The following ATP8A2 variants were observed in gnomAD, a reference collection of about 807,000 sequenced individuals.
ATP8A2 encodes ATPase phospholipid transporting 8A2, also known as phospholipid-transporting ATPase IB.
A neutral mutation model predicts 165.6 loss-of-function variants in ATP8A2; 100 were observed. The observed-to-expected ratio is 0.60, with a 90% CI of 0.51 to 0.71. The LOEUF is 0.71. ATP8A2 is among the 30% of genes least tolerant of loss of function. ATP8A2 has a pLI of 0.00. For synonymous variants in ATP8A2, 543 were observed against 548.8 expected, an observed-to-expected ratio of 0.99 and a Z score of 0.15; for missense variants, 1,227 against 1,479.5, an observed-to-expected ratio of 0.83 and a Z score of 2.80.
intron 33 of ATP8A2, among the ~76,000 whole-genome samples, chr13:25,919,633 G>A (rs556149006): frequency 6.6e-6 from 1 of 152,230 alleles, no homozygotes; most frequent in South Asian, 2.1e-4. Context: ...TTCCAGGTCA[G>A]CCCTTACCTG....
chr13:25,795,367 A>G (rs1305764924), intron 27 of ATP8A2, among the ~76,000 whole-genome samples: 1 of 152,248 alleles, frequency 6.6e-6, no homozygotes. Flanking sequence ...ATCATAATTC[A>G]CAAGTGCAAA....
Position 25,720,167 on chromosome 13 carries a change from C to CTTTTTTTTTTTTTTTT in ATP8A2, c.2384+20825_2384+20840dup. On this transcript the variant is annotated intron_variant, in intron 25 of 36. Coordinates refer to ENST00000381655, the MANE Select transcript of ATP8A2 (RefSeq NM_016529.6). ...GACCTCCGATAAATGTATACTTTTT[C>CTTTTTTTTTTTTTTTT]TTTTTTTTTTTTTTTTTTGAGAAGG... is the stretch of plus-strand genomic sequence containing the variant. Among the ~76,000 whole-genome samples, 221 of 117,252 alleles carry CTTTTTTTTTTTTTTTT rather than the reference C, an allele frequency of 1.9e-3. 26 individuals carry two copies. The highest frequency in any genetic ancestry group is 7.7e-3 in the African/African-American group (202 of 26,346). The allele number at this position is 117,252 out of a possible 152,430, so 76.9% of individuals were successfully genotyped here. A position where few individuals can be genotyped will look rare whatever the true frequency, so the allele number is the denominator to read the frequency against.
intron 33 of ATP8A2, among the ~76,000 whole-genome samples, chr13:25,887,901 C>T (rs1385581611): frequency 6.6e-6 from 1 of 152,086 alleles, no homozygotes; most frequent in African/African-American, 2.4e-5. Flanking sequence ...CAATGGAATA[C>T]TTTTGAATAA....
chr13:25,671,636 A>G (rs182382940), intron 24 of ATP8A2, among the ~76,000 whole-genome samples: 2 of 152,302 alleles, frequency 1.3e-5, no homozygotes, highest in African/African-American at 4.8e-5. Flanking sequence ...TCCCAGGCTT[A>G]TTAGGAAGAG....
chr13:25,794,320 T>C (rs949176562), intron 27 of ATP8A2, among the ~76,000 whole-genome samples: 3 of 152,192 alleles, frequency 2.0e-5, no homozygotes, highest in African/African-American at 7.2e-5. Flanking sequence ...ACCTATGCAG[T>C]GGAATATTAC....
At chr13:25,960,106 G>C (rs1163390397) in intron 33 of ATP8A2, among the ~76,000 whole-genome samples, 1 of 152,236 alleles carries the variant, frequency 6.6e-6, no homozygotes, top group African/African-American at 2.4e-5. Context: ...AGGCAGGAGG[G>C]CTGTGGTTAG....
At chr13:25,915,518 G>T (rs796400748) in intron 33 of ATP8A2, among the ~76,000 whole-genome samples, 9 of 152,334 alleles carry the variant, frequency 5.9e-5, no homozygotes, top group African/African-American at 2.2e-4. Flanking sequence ...GGCCAGTCCA[G>T]CAGGGGCGGG....
chr13:26,005,660 T>C (rs1956723365), intron 35 of ATP8A2, among the ~76,000 whole-genome samples: 1 of 152,084 alleles, frequency 6.6e-6, no homozygotes. Context: ...CAAATATATT[T>C]ATATCTTTGA....
chr13:25,728,869 G>A (rs1454240132), intron 25 of ATP8A2, among the ~76,000 whole-genome samples: 2 of 152,178 alleles, frequency 1.3e-5, no homozygotes, highest in Admixed American at 6.5e-5. Context: ...CGAAACTGCT[G>A]TGCTTTTAGT....
intron 27 of ATP8A2, among the ~76,000 whole-genome samples, chr13:25,790,713 G>A (rs1158326211): frequency 6.7e-5 from 10 of 149,718 alleles, no homozygotes; most frequent in African/African-American, 2.5e-4. Context: ...AAAAAAATAA[G>A]CAAAGAACAT....
chr13:25,521,995 G>A (rs1413701888), intron 2 of ATP8A2, among the ~76,000 whole-genome samples: 2 of 152,074 alleles, frequency 1.3e-5, no homozygotes, highest in African/African-American at 2.4e-5. Flanking sequence ...GTGTTTTTCT[G>A]TTTCTGTGAA....
chr13:25,547,467 A>T (rs2038687797), intron 10 of ATP8A2, among the ~76,000 whole-genome samples: 1 of 152,168 alleles, frequency 6.6e-6, no homozygotes, highest in Non-Finnish European at 1.5e-5. Context: ...ATTCCTTATG[A>T]GAATCTAATG....
intron 36 of ATP8A2, among the ~76,000 whole-genome samples, chr13:26,015,703 G>C (rs1183557190): frequency 5.9e-5 from 9 of 152,186 alleles, no homozygotes; most frequent in Non-Finnish European, 1.3e-4. Flanking sequence ...ACACGATTCT[G>C]TTCTCCATTC....
intron 34 of ATP8A2, among the ~76,000 whole-genome samples, chr13:25,967,264 C>G (rs1361455579): frequency 6.6e-6 from 1 of 152,138 alleles, no homozygotes; most frequent in East Asian, 1.9e-4. Context: ...TCTCAGGACA[C>G]TGTTTGATGG....
chr13:25,667,673 T>C (rs1344765683), intron 24 of ATP8A2, among the ~76,000 whole-genome samples: 1 of 152,004 alleles, frequency 6.6e-6, no homozygotes, highest in Non-Finnish European at 1.5e-5. Flanking sequence ...CAGTCTTAGA[T>C]ATTCTTTAAT....
chr13:25,736,565 A>G (rs112423009), intron 25 of ATP8A2, among the ~76,000 whole-genome samples: 33 of 152,370 alleles, frequency 2.2e-4, no homozygotes, highest in African/African-American at 7.9e-4. Context: ...ATGAAGGGTC[A>G]GTGTAACTTT....
chr13:25,609,542 A>AATAT (rs373263564), intron 24 of ATP8A2, among the ~76,000 whole-genome samples: 2 of 143,722 alleles, frequency 1.4e-5, no homozygotes, highest in East Asian at 3.9e-4. Flanking sequence ...TTGGGATTCA[A>AATAT]ATATATATAT....
chr13:25,513,830 G>A (rs1336031987), intron 2 of ATP8A2, among the ~76,000 whole-genome samples: 1 of 152,208 alleles, frequency 6.6e-6, no homozygotes, highest in African/African-American at 2.4e-5. Flanking sequence ...GGCGGCGCGC[G>A]CCTGCAATCG....
intron 2 of ATP8A2, among the ~76,000 whole-genome samples, chr13:25,517,924 T>C (rs1002950552): frequency 6.6e-6 from 1 of 152,240 alleles, no homozygotes; most frequent in African/African-American, 2.4e-5. Flanking sequence ...GTGGGAATTC[T>C]TGGATTTAAG....
Sources: gnomAD v4.1 joint callset for allele counts (sites outside exome capture counted in the v4.1 genomes callset) on GRCh38, gnomAD v4.1.1 for gene constraint, MANE v1.5 for transcripts, NCBI Gene and HGNC (gene_info 2026-07-23, HGNC 2026-07-21) for gene names.